The following CCNB3 variants were observed in gnomAD, a reference collection of about 807,000 sequenced individuals.
CCNB3 encodes the protein cyclin B3.
A neutral mutation model predicts 68.0 loss-of-function variants in CCNB3; 12 were observed. The observed-to-expected ratio is 0.18, with a 90% CI of 0.11 to 0.29. The LOEUF (loss-of-function observed/expected upper bound fraction) is 0.29, where lower values mean the gene tolerates loss of function less well. Among genes scored for constraint, CCNB3 ranks in the 10% least tolerant of loss-of-function variants. The pLI, the probability that CCNB3 is intolerant of heterozygous loss-of-function variation, is 1.00. For synonymous variants in CCNB3, 354 were observed against 388.9 expected, an observed-to-expected ratio of 0.91 and a Z score of 1.06; for missense variants, 904 against 993.1, an observed-to-expected ratio of 0.91 and a Z score of 1.21.
intron 8 of CCNB3, chrX:50,341,916 G>A (rs1923164838): frequency 4.0e-6 from 1 of 249,191 alleles, no homozygotes; most frequent in African/African-American, 2.8e-5. Context: ...ATCAAAGGGA[G>A]AGGATGTGTC....
chrX:50,339,877 G>A (rs1458422117), intron 8 of CCNB3, among the ~76,000 whole-genome samples: 3 of 110,810 alleles, frequency 2.7e-5, no homozygotes, highest in African/African-American at 9.9e-5. Context: ...AGCCATGCAG[G>A]CTCCATCCCC....
intron 8 of CCNB3, among the ~76,000 whole-genome samples, chrX:50,332,137 A>G (rs1485177407): frequency 9.0e-6 from 1 of 111,667 alleles, no homozygotes; most frequent in Non-Finnish European, 1.9e-5. Flanking sequence ...ACAGGCATCA[A>G]ATTTCAAGAT....
rs1184201216 is a variant in CCNB3 at position 50,214,475 on chromosome X, C to CATATATATATATATATATATATATATAT, written c.-113+9532_-113+9559dup. Among the ~76,000 whole-genome samples the CATATATATATATATATATATATATATAT allele has an allele frequency of 1.8e-3, 17 of 9,486 alleles. 2 individuals carry two copies. Among genetic ancestry groups the CATATATATATATATATATATATATATAT allele is most frequent in the Non-Finnish European group, 4.1e-3 (8 of 1,952 alleles). 8.2% of individuals were successfully genotyped at this position (9,486 alleles called of 115,157 possible). ...TTACCTTTCAGTTTTAGCTGTGGCC[C>CATATATATATATATATATATATATATAT]ATATATATATATATATATATATATA... On this transcript the variant is annotated intron_variant, in intron 1 of 12. Transcript: ENST00000376042.
chrX:50,281,273 A>T lies in CCNB3; in HGVS notation c.-112-3269A>T, dbSNP rs147731515. 1.7e-3 allele frequency among the ~76,000 whole-genome samples: 189 copies of T among 111,623 alleles called. 5 individuals carry two copies. In the East Asian group the frequency reaches 0.049, roughly 29 times the overall value. ...TGCTGGCCAATCACCACTGCACTTCATGACGGCTGTAGTTTTCAAAATCCC... is the reference window on the plus strand; with the variant it reads ...TGCTGGCCAATCACCACTGCACTTCTTGACGGCTGTAGTTTTCAAAATCCC... On this transcript the variant is annotated intron_variant, in intron 1 of 12. Coordinates refer to ENST00000376042, the MANE Select transcript of CCNB3 (RefSeq NM_033031.3).
intron 1 of CCNB3, among the ~76,000 whole-genome samples, chrX:50,280,281 A>G (rs1042701858): frequency 2.1e-5 from 2 of 97,395 alleles, no homozygotes; most frequent in Admixed American, 1.2e-4. Context: ...ATATAAATAT[A>G]TGTATAGAAT....
intron 1 of CCNB3, among the ~76,000 whole-genome samples, chrX:50,280,235 A>G (rs1299592165): frequency 1.2e-3 from 83 of 68,594 alleles, no homozygotes; most frequent in African/African-American, 3.8e-3. Flanking sequence ...AAATATATGT[A>G]TAGAATATAG....
chrX:50,325,830 G>A (rs1922270760), intron 8 of CCNB3, among the ~76,000 whole-genome samples: 1 of 111,350 alleles, frequency 9.0e-6, no homozygotes, highest in Admixed American at 9.6e-5. Flanking sequence ...CTAACTCTGT[G>A]GGGTAACAAC....
intron 1 of CCNB3, among the ~76,000 whole-genome samples, chrX:50,209,920 C>T (rs1211112535): frequency 9.0e-6 from 1 of 111,320 alleles, no homozygotes; most frequent in Non-Finnish European, 1.9e-5. Context: ...TTACTTTTCT[C>T]TTCTTTTTCT....
intron 8 of CCNB3, among the ~76,000 whole-genome samples, chrX:50,316,605 G>A (rs944797834): frequency 1.1e-4 from 12 of 111,791 alleles, no homozygotes; most frequent in African/African-American, 3.9e-4. Context: ...TATGTTATCC[G>A]TTTAGAGTCA....
chrX:50,289,072 T>C (rs1936299259), intron 4 of CCNB3, among the ~76,000 whole-genome samples, 185 bp downstream of exon 4: 1 of 111,646 alleles, frequency 9.0e-6, no homozygotes, highest in African/African-American at 3.3e-5. Context: ...TCTGAAACAA[T>C]TGGTGGAGTT....
chrX:50,205,632 C>G (rs1935343936), intron 1 of CCNB3, among the ~76,000 whole-genome samples: 1 of 110,929 alleles, frequency 9.0e-6, no homozygotes, highest in African/African-American at 3.3e-5. Flanking sequence ...CCAGCCTGGG[C>G]GACAGAGTAA....
chrX:50,212,993 A>G (rs1417047310), intron 1 of CCNB3, among the ~76,000 whole-genome samples: 7 of 111,946 alleles, frequency 6.3e-5, no homozygotes, highest in African/African-American at 2.3e-4. Flanking sequence ...CATAAGGCAA[A>G]GTGAGCTCAT....
intron 5 of CCNB3, among the ~76,000 whole-genome samples, chrX:50,306,956 C>T (rs1305740160): frequency 9.0e-6 from 1 of 111,434 alleles, no homozygotes; most frequent in African/African-American, 3.3e-5. Context: ...TTTTCGTTAT[C>T]AGAGTAATAC....
intron 9 of CCNB3, among the ~76,000 whole-genome samples, chrX:50,343,757 A>C (rs1260379765): frequency 1.8e-5 from 2 of 112,521 alleles, no homozygotes; most frequent in Non-Finnish European, 3.7e-5. Context: ...ATATAAAGAA[A>C]GCAAATATTT....
Position 50,309,563 on chromosome X carries a change from C to T in CCNB3, c.1394C>T (p.Ser465Leu), listed in dbSNP as rs782246616. ...TTGCTAAAGTCTCCAACTGAGGAGT[C>T]ACCTTTTGATGAGGCTTTGGCTTTT... is the stretch of plus-strand genomic sequence containing the variant. ...SSLLKSPTEE[S>L]PFDEALAFTK... The change falls in exon 6 of 13, where the codon TCA becomes TTA. Residue 465 changes from serine to leucine, a missense_variant. Ser to Leu is a moderately radical substitution (Grantham distance 145, BLOSUM62 -2). This residue lies in a region of CCNB3 where 619 missense variants were observed against 609.8 expected (regional missense o/e 1.02). Coordinates refer to ENST00000376042, the MANE Select transcript of CCNB3 (RefSeq NM_033031.3). The T allele has an allele frequency of 2.5e-6, 3 of 1,209,023 alleles. No homozygotes were observed. The highest frequency in any genetic ancestry group is 4.4e-5 in the Admixed American group (2 of 45,610).
In CCNB3 at chrX:50,310,629, T is replaced by A. The variant is rs1453221338; in HGVS notation, c.2460T>A (p.Thr820=). 1 of 1,208,766 alleles carries A rather than the reference T, an allele frequency of 8.3e-7. No individual in the cohort carries two copies. Among genetic ancestry groups the A allele is most frequent in the Non-Finnish European group, 1.1e-6 (1 of 894,839 alleles). ...IEKEAVLKEP[T]IDTEAHFKEP... Reference sequence around the variant, plus strand: ...AGGAAGCTGTCCTCAAGGAGCCCACTATTGACACAGAAGCTCACTTTAAGG... The same window carrying A: ...AGGAAGCTGTCCTCAAGGAGCCCACAATTGACACAGAAGCTCACTTTAAGG... Residue 820 remains threonine, a synonymous_variant, in exon 6 of 13, where the codon ACT becomes ACA. Coordinates refer to ENST00000376042, the MANE Select transcript of CCNB3 (RefSeq NM_033031.3).
chrX:50,329,778 A>G (rs1922501098), intron 8 of CCNB3, among the ~76,000 whole-genome samples: 1 of 112,148 alleles, frequency 8.9e-6, no homozygotes, highest in African/African-American at 3.2e-5. Context: ...TTTCTACCAC[A>G]TGACCAGGCT....
At chrX:50,288,214 C>T (rs782149525) in intron 3 of CCNB3, among the ~76,000 whole-genome samples, 43 of 109,898 alleles carry the variant, frequency 3.9e-4, no homozygotes, top group African/African-American at 1.2e-3. Flanking sequence ...CCCCAGTGTC[C>T]GTGGAAAATT....
chrX:50,279,168 T>C (rs1328923649), intron 1 of CCNB3, among the ~76,000 whole-genome samples: 1 of 60 alleles, frequency 0.017, no homozygotes, highest in Non-Finnish European at 0.038. Context: ...ATATTCTATA[T>C]ATATATGAAT....
Sources: gnomAD v4.1 joint callset for allele counts (sites outside exome capture counted in the v4.1 genomes callset) on GRCh38, gnomAD v4.1.1 for gene constraint, gnomAD v4.1.1 regional missense constraint, MANE v1.5 for transcripts, NCBI Gene and HGNC (gene_info 2026-07-23, HGNC 2026-07-21) for gene names.